Variants in DPP6 observed in about 807,000 individuals in gnomAD.
DPP6 encodes the protein dipeptidyl peptidase like 6.
In DPP6, 69 loss-of-function variants were observed where a neutral mutation model predicts 122.6. The ratio of observed to expected loss-of-function variants is 0.56; its 90% CI spans 0.46 to 0.69. The LOEUF is 0.69. Ranked by LOEUF, DPP6 falls within the 30% of genes least tolerant of loss-of-function variation. The pLI is 0.00. For missense variants in DPP6, 928 were observed against 1,116.9 expected (o/e 0.83, Z 2.41); for synonymous variants, 418 against 433.1 (o/e 0.97, Z 0.43).
intron 1 of DPP6, among the ~76,000 whole-genome samples, chr7:153,890,409 G>A (rs1799136673): frequency 6.6e-6 from 1 of 152,222 alleles, no homozygotes; most frequent in Non-Finnish European, 1.5e-5. Context: ...TTGTATGATT[G>A]TTCTGGACCT....
At chr7:154,092,755 G>T (rs1047196713) in intron 1 of DPP6, 1 of 152,026 alleles carries the variant, frequency 6.6e-6, no homozygotes, top group Non-Finnish European at 1.5e-5. Flanking sequence ...TAATTGTGGG[G>T]CGATTTTTTC....
intron 16 of DPP6, among the ~76,000 whole-genome samples, chr7:154,828,386 G>A (rs1474547626): frequency 5.3e-5 from 8 of 152,020 alleles, no homozygotes; most frequent in Admixed American, 6.5e-5. Context: ...GGAATTGAGC[G>A]TGAAGGTCAC....
chr7:153,890,100 G>A (rs1158012308), intron 1 of DPP6, among the ~76,000 whole-genome samples: 7 of 152,204 alleles, frequency 4.6e-5, no homozygotes, highest in African/African-American at 1.7e-4. Context: ...CATTCAAGAT[G>A]AGGACTGAAT....
intron 3 of DPP6, among the ~76,000 whole-genome samples, chr7:154,520,726 G>A (rs576433884): frequency 5.3e-5 from 8 of 152,166 alleles, no homozygotes; most frequent in Admixed American, 5.2e-4. Flanking sequence ...TATGGGAGTG[G>A]GATGGGGCAG....
chr7:153,773,002 GAA>G, the DPP6 span, among the ~76,000 whole-genome samples: 1 of 105,998 alleles, frequency 9.4e-6, no homozygotes, highest in African/African-American at 3.0e-5. Context: ...ATATATAAAA[GAA>G]AAGACATATA....
chr7:154,737,386 A>T (rs1842617851), intron 8 of DPP6, among the ~76,000 whole-genome samples: 1 of 152,216 alleles, frequency 6.6e-6, no homozygotes, highest in South Asian at 2.1e-4. Context: ...GGGATACTTT[A>T]AATCATCTCT....
At chr7:154,626,500 G>A (rs1452972827) in intron 5 of DPP6, among the ~76,000 whole-genome samples, 4 of 152,168 alleles carry the variant, frequency 2.6e-5, no homozygotes, top group Admixed American at 6.5e-5. Context: ...CAGAGAATGC[G>A]AGAAACATTC....
chr7:154,538,840 G>A (rs1236119102), intron 3 of DPP6, among the ~76,000 whole-genome samples: 1 of 152,136 alleles, frequency 6.6e-6, no homozygotes, highest in African/African-American at 2.4e-5. Context: ...TTAAGAAACA[G>A]AAAAATATGA....
intron 1 of DPP6, among the ~76,000 whole-genome samples, chr7:154,144,146 G>A (rs1415001748): frequency 6.6e-6 from 1 of 152,100 alleles, no homozygotes; most frequent in South Asian, 2.1e-4. Context: ...ACTTACTAAG[G>A]TTGAATTTTT....
chr7:154,392,907 A>G (rs1367748993), intron 1 of DPP6, among the ~76,000 whole-genome samples: 1 of 152,190 alleles, frequency 6.6e-6, no homozygotes, highest in Non-Finnish European at 1.5e-5. Flanking sequence ...GAGGCTGCCT[A>G]CTCGGGAGAC....
chr7:154,286,938 A>G (rs965266639), intron 1 of DPP6, among the ~76,000 whole-genome samples: 1 of 151,856 alleles, frequency 6.6e-6, no homozygotes, highest in African/African-American at 2.4e-5. Context: ...GAGTAGCTGG[A>G]ATCACAAGCA....
intron 5 of DPP6, chr7:154,588,035 T>A (rs753101331): frequency 6.2e-7 from 1 of 1,612,098 alleles, no homozygotes; most frequent in African/African-American, 1.3e-5. Context: ...ACCCCGGGGA[T>A]AATGCACAGC....
the DPP6 span, among the ~76,000 whole-genome samples, chr7:153,822,974 T>C: frequency 1.3e-5 from 2 of 152,206 alleles, no homozygotes; most frequent in Non-Finnish European, 2.9e-5. Context: ...TGCTATTTTT[T>C]CTAGTCTTTA....
chr7:153,842,038 G>C, the DPP6 span, among the ~76,000 whole-genome samples: 5 of 152,186 alleles, frequency 3.3e-5, no homozygotes, highest in African/African-American at 1.2e-4. Flanking sequence ...ACGATACTAA[G>C]ATGGAAGGAG....
intron 1 of DPP6, among the ~76,000 whole-genome samples, chr7:154,219,499 A>G (rs1327424581): frequency 6.6e-6 from 1 of 152,226 alleles, no homozygotes; most frequent in Non-Finnish European, 1.5e-5. Flanking sequence ...GGGTAACTGA[A>G]GCTTACCCAT....
intron 3 of DPP6, among the ~76,000 whole-genome samples, chr7:154,517,804 C>T (rs1398775429): frequency 6.6e-6 from 1 of 152,080 alleles, no homozygotes; most frequent in African/African-American, 2.4e-5. Context: ...AAAAATGAAA[C>T]CAACAGAACT....
At chr7:154,838,325 G>T (rs1487265063) in intron 16 of DPP6, 1 of 152,156 alleles carries the variant, frequency 6.6e-6, no homozygotes, top group Non-Finnish European at 1.5e-5. Flanking sequence ...TCTTCAAAAG[G>T]AAACTTACTG....
At chr7:153,998,478 A>G (rs1313640245) in intron 1 of DPP6, among the ~76,000 whole-genome samples, 2 of 152,108 alleles carry the variant, frequency 1.3e-5, no homozygotes, top group Non-Finnish European at 2.9e-5. Flanking sequence ...ATCCCCTGGT[A>G]CCAAGCAAAG....
intron 1 of DPP6, among the ~76,000 whole-genome samples, chr7:154,102,675 T>C (rs1381150529): frequency 5.3e-5 from 8 of 152,164 alleles, no homozygotes; most frequent in Non-Finnish European, 1.2e-4. Context: ...CACTTTCATA[T>C]TGATCAAAAA....
Sources: gnomAD v4.1 joint callset for allele counts (sites outside exome capture counted in the v4.1 genomes callset) on GRCh38, gnomAD v4.1.1 for gene constraint, MANE v1.5 for transcripts, NCBI Gene and HGNC (gene_info 2026-07-23, HGNC 2026-07-21) for gene names.